The following DNLZ variants were observed in gnomAD, a reference collection of about 807,000 sequenced individuals.
DNLZ encodes the protein DNL-type zinc finger.
DNLZ carries 15 observed loss-of-function variants against 7.8 expected under a neutral mutation model. That is an observed-to-expected ratio of 1.91 (90% CI 1.28 to 2.95). The LOEUF is 2.95. Among genes scored for constraint, DNLZ ranks in the 30% most tolerant of loss-of-function variants. The pLI, the probability that DNLZ is intolerant of heterozygous loss-of-function variation, is 0.00. For synonymous variants in DNLZ, 123 were observed against 77.8 expected, an observed-to-expected ratio of 1.58 and a Z score of -3.05; for missense variants, 255 against 167.3, an observed-to-expected ratio of 1.52 and a Z score of -2.89.
rs1030826178 is a variant in DNLZ at position 136,360,366 on chromosome 9, G to C, written c.*1646C>G. The C allele has an allele frequency of 6.6e-6, 1 of 152,084 alleles. No individual in the cohort carries two copies. Among genetic ancestry groups the C allele is most frequent in the Non-Finnish European group, 1.5e-5 (1 of 67,918 alleles). The allele number at this position is 152,084 out of a possible 1,614,324, so 9.4% of individuals were successfully genotyped here. A position where few individuals can be genotyped will look rare whatever the true frequency, so the allele number is the denominator to read the frequency against. Reference sequence around the variant, plus strand: ...CGCAGCAGTGCCGCCCACGCTACTGGCTGGGACAGCCTCTGAAGGTGCGGC... The same window carrying C: ...CGCAGCAGTGCCGCCCACGCTACTGCCTGGGACAGCCTCTGAAGGTGCGGC... On this transcript the variant is annotated 3_prime_UTR_variant, in exon 3 of 3. Transcript: ENST00000371738.
At chr9:136,363,361 G>A (rs922289022) in intron 1 of DNLZ, 126 bp downstream of exon 1, 5 of 724,256 alleles carry the variant, frequency 6.9e-6, no homozygotes, top group South Asian at 1.5e-5. Flanking sequence ...GCCCCAAGGG[G>A]TGGCTCCACT....
In DNLZ at chr9:136,363,550, C is replaced by T. The variant is rs1224378573; in HGVS notation, c.165G>A (p.Pro55=). ...CGCGCCCCAGAGCCGCCGCGGGCCC[C>T]GGCCCCTGCTCGGAGCTTGAGCGCC... ...GWRRSSSEQG[P]GPAAALGRVE... is the part of the protein sequence containing the mutation. Residue 55 remains proline (P), a synonymous_variant, in exon 1 of 3, where the codon CCG becomes CCA. Coordinates refer to ENST00000371738, the MANE Select transcript of DNLZ (RefSeq NM_001080849.3). The T allele has an allele frequency of 1.1e-5, 8 of 716,802 alleles. No individual in the cohort carries two copies. Among genetic ancestry groups the T allele is most frequent in the East Asian group, 5.4e-5 (2 of 37,238 alleles). The allele number at this position is 716,802 out of a possible 1,614,324, so 44.4% of individuals were successfully genotyped here.
rs778742335 is a variant in DNLZ, at chr9:136,363,030, G to C, written c.327C>G (p.Ile109Met). ...TCPGCQNHHI[I>M]ADNLGWFSDL... ...CCGAGAACCAGCCCAGGTTGTCAGC[G>C]ATGATATGGTGGTTCTGGCAGCCGG... The change falls in exon 2 of 3, where the codon ATC (isoleucine) becomes ATG (methionine). Residue 109 changes from isoleucine (I) to methionine (M), a missense_variant. Coordinates refer to ENST00000371738, the MANE Select transcript of DNLZ (RefSeq NM_001080849.3). The C allele has an allele frequency of 1.2e-6, 2 of 1,613,744 alleles. No homozygotes were observed. Among genetic ancestry groups the C allele is most frequent in the Non-Finnish European group, 1.7e-6 (2 of 1,180,002 alleles).
In DNLZ at chr9:136,363,147, C is replaced by G. The variant is rs896058345; in HGVS notation, c.229-19G>C. The G allele has an allele frequency of 6.2e-7, 1 of 1,611,536 alleles. No homozygotes were observed. Among genetic ancestry groups the G allele is most frequent in the Non-Finnish European group, 8.5e-7 (1 of 1,178,980 alleles). On this transcript the variant is annotated intron_variant, in intron 1 of 2. Transcript: ENST00000371738. ...CGCAGACCTGGCTGGGACAGGGTAG[C>G]TGGTGAGGCTGTGAGGGCCGCCACG...
rs200639946 is a variant in DNLZ at position 136,362,167 on chromosome 9, T to C, written c.382A>G (p.Ile128Val). 3.3e-6 allele frequency: 5 copies of C among 1,493,998 alleles called. No individual in the cohort carries two copies. Among genetic ancestry groups the C allele is most frequent in the Non-Finnish European group, 4.4e-6 (5 of 1,126,666 alleles). 92.5% of individuals were successfully genotyped at this position (1,493,998 alleles called of 1,614,324 possible). A position where few individuals can be genotyped will look rare whatever the true frequency, so the allele number is the denominator to read the frequency against. The change falls in exon 3 of 3, where the codon ATC becomes GTC. Residue 128 changes from isoleucine (I) to valine (V), a missense_variant. Physicochemically the swap from Ile to Val is conservative, Grantham distance 29. Coordinates refer to ENST00000371738, the MANE Select transcript of DNLZ (RefSeq NM_001080849.3). ...ACCTGCTCGCCTCTGGCCGTCAGGATCTCTTCGATATTTCTGGGGGGCAGG... is the reference window on the plus strand; with the variant it reads ...ACCTGCTCGCCTCTGGCCGTCAGGACCTCTTCGATATTTCTGGGGGGCAGG... The part of the protein sequence containing the change: ...DLNGKRNIEE[I>V]LTARGEQVHR...
Position 136,359,896 on chromosome 9 carries a change from G to C in DNLZ, c.*2116C>G, listed in dbSNP as rs1443709803. ...AGCCCCCAGAAGCAGCAGCCCCCAG[G>C]TCAGCCCCACGACCCCCTGAGGACC... On this transcript the variant is annotated 3_prime_UTR_variant, in exon 3 of 3. Coordinates refer to ENST00000371738, the MANE Select transcript of DNLZ (RefSeq NM_001080849.3). The C allele has an allele frequency of 6.6e-6, 1 of 152,392 alleles. No individual in the cohort carries two copies. The highest frequency in any genetic ancestry group is 1.5e-5 in the Non-Finnish European group (1 of 68,228). The allele number at this position is 152,392 out of a possible 1,614,324, so 9.4% of individuals were successfully genotyped here. A position where few individuals can be genotyped will look rare whatever the true frequency, so the allele number is the denominator to read the frequency against.
In DNLZ at chr9:136,363,720, T is replaced by TCGCCGGCTCCGTC; in HGVS notation, c.-19_-7dup. The TCGCCGGCTCCGTC allele has an allele frequency of 2.3e-6, 1 of 435,552 alleles. No homozygotes were observed. Among genetic ancestry groups the TCGCCGGCTCCGTC allele is most frequent in the South Asian group, 3.3e-5 (1 of 29,990 alleles). 27.0% of individuals were successfully genotyped at this position (435,552 alleles called of 1,614,324 possible). A position where few individuals can be genotyped will look rare whatever the true frequency, so the allele number is the denominator to read the frequency against. Reference sequence around the variant, plus strand: ...CGCAGCGCAGTCCGCAGCATCCCGCTCGCCGGCTCCGTCCGCCCTGCCCCG... The same window carrying TCGCCGGCTCCGTC: ...CGCAGCGCAGTCCGCAGCATCCCGCTCGCCGGCTCCGTCCGCCGGCTCCGTCCGCCCTGCCCCG... On this transcript the variant is annotated 5_prime_UTR_variant, in exon 1 of 3. Transcript: ENST00000371738.
chr9:136,363,574 CCGCCAG>C lies in DNLZ; in HGVS notation c.135_140del (p.Trp46_Arg47del). ...CCGGCCCCTGCTCGGAGCTTGAGCG[CCGCCAG>C]CCCCAGGCCCAGGCCCGCCGCCTCC... On this transcript the variant is annotated inframe_deletion, in exon 1 of 3. Coordinates refer to ENST00000371738, the MANE Select transcript of DNLZ (RefSeq NM_001080849.3). 1 of 663,966 alleles carries C rather than the reference CCGCCAG, an allele frequency of 1.5e-6. No individual in the cohort carries two copies. Among genetic ancestry groups the C allele is most frequent in the Admixed American group, 2.2e-5 (1 of 45,680 alleles). The allele number at this position is 663,966 out of a possible 1,614,324, so 41.1% of individuals were successfully genotyped here. A position where few individuals can be genotyped will look rare whatever the true frequency, so the allele number is the denominator to read the frequency against.
At chr9:136,363,235 G>A (rs1166460043) in intron 1 of DNLZ, 107 bp from the exon 2 acceptor site, 3 of 1,377,522 alleles carry the variant, frequency 2.2e-6, no homozygotes, top group African/African-American at 1.4e-5. Context: ...CTCCAGAGAA[G>A]GCCCCGCCCC....
chr9:136,361,657 A>C lies in DNLZ; in HGVS notation c.*355T>G, dbSNP rs1438753530. The C allele has an allele frequency of 4.6e-6, 1 of 215,756 alleles. No individual in the cohort carries two copies. The highest frequency in any genetic ancestry group is 9.1e-6 in the Non-Finnish European group (1 of 110,172). 13.4% of individuals were successfully genotyped at this position (215,756 alleles called of 1,614,324 possible). ...GCCTTGCAGAGGAAGGCTGAGGCTC[A>C]CAGGGGTGGTGACCTGCTCAAAGTC... On this transcript the variant is annotated 3_prime_UTR_variant, in exon 3 of 3. Coordinates refer to ENST00000371738, the MANE Select transcript of DNLZ (RefSeq NM_001080849.3).
chr9:136,362,079 G>T lies in DNLZ; in HGVS notation c.470C>A (p.Ser157Tyr), dbSNP rs559849848. ...LVLEAAGAPT[S>Y]TAAPEAGEDE... ...CTCACCCGCTTCCGGAGCTGCAGTG[G>T]ATGTGGGGGCCCCTGCAGCCTCCAG... Residue 157 changes from serine (S) to tyrosine (Y), a missense_variant, in exon 3 of 3, where the codon TCC (serine) becomes TAC (tyrosine). Ser to Tyr is a moderately radical substitution (Grantham distance 144). Coordinates refer to ENST00000371738, the MANE Select transcript of DNLZ (RefSeq NM_001080849.3). 1.7e-4 allele frequency: 254 copies of T among 1,453,810 alleles called. 3 individuals carry two copies. The South Asian group carries it at 3.4e-3, about 20-fold the overall frequency. 90.1% of individuals were successfully genotyped at this position (1,453,810 alleles called of 1,614,324 possible).
intron 1 of DNLZ, 84 bp downstream of exon 1, chr9:136,363,403 G>C (rs1356667938): frequency 2.6e-6 from 2 of 756,448 alleles, no homozygotes; most frequent in Non-Finnish European, 2.4e-6. Context: ...CCGCCTCCCG[G>C]ATCCCCGGCG....
chr9:136,363,502 G>A lies in DNLZ; in HGVS notation c.213C>T (p.Leu71=), dbSNP rs1302592957. The A allele has an allele frequency of 4.0e-6, 3 of 758,526 alleles. No individual in the cohort carries two copies. Among genetic ancestry groups the A allele is most frequent in the East Asian group, 4.9e-5 (2 of 40,828 alleles). 47.0% of individuals were successfully genotyped at this position (758,526 alleles called of 1,614,324 possible). A position where few individuals can be genotyped will look rare whatever the true frequency, so the allele number is the denominator to read the frequency against. ...GCGCGCCTACCTTGCAGGTGTAGAC[G>A]AGCTGGTAGTGCGCCGCCTCCACGC... ...LGRVEAAHYQ[L]VYTCKVCGTR... is the part of the protein sequence containing the mutation. The change falls in exon 1 of 3, where the codon CTC becomes CTT. Residue 71 remains leucine (L), a synonymous_variant. Coordinates refer to ENST00000371738, the MANE Select transcript of DNLZ (RefSeq NM_001080849.3).
Position 136,363,699 on chromosome 9 carries a change from G to A in DNLZ, c.16C>T (p.Leu6=). 2.2e-6 allele frequency: 1 copy of A among 457,836 alleles called. No individual in the cohort carries two copies. Among genetic ancestry groups the A allele is most frequent in the Non-Finnish European group, 3.8e-6 (1 of 262,078 alleles). 28.4% of individuals were successfully genotyped at this position (457,836 alleles called of 1,614,324 possible). A position where few individuals can be genotyped will look rare whatever the true frequency, so the allele number is the denominator to read the frequency against. MLRTA[L]RGAPRLLSRV... is the part of the protein sequence containing the mutation. ...CTCAGCAACCTCGGCGCGCCGCGCAGCGCAGTCCGCAGCATCCCGCTCGCC... is the reference window on the plus strand; with the variant it reads ...CTCAGCAACCTCGGCGCGCCGCGCAACGCAGTCCGCAGCATCCCGCTCGCC... Residue 6 remains leucine, a synonymous_variant, in exon 1 of 3, where the codon CTG becomes TTG. Transcript: ENST00000371738.
At position 136,363,092 on chromosome 9, in the gene DNLZ, G is replaced by A; in HGVS notation, c.265C>T (p.Leu89=). Reference sequence around the variant, plus strand: ...ATGACCACGCCTTGGTGATAGGCCAGCTTGGAGATGCGCTTGGAGGACCTA... The same window carrying A: ...ATGACCACGCCTTGGTGATAGGCCAACTTGGAGATGCGCTTGGAGGACCTA... ...GTRSSKRISK[L]AYHQGVVIVT... The change falls in exon 2 of 3, where the codon CTG becomes TTG. Residue 89 remains leucine, a synonymous_variant. Transcript: ENST00000371738. The A allele has an allele frequency of 6.2e-7, 1 of 1,613,640 alleles. No individual in the cohort carries two copies. Among genetic ancestry groups the A allele is most frequent in the Non-Finnish European group, 8.5e-7 (1 of 1,179,994 alleles).
chr9:136,360,171 A>C lies in DNLZ; in HGVS notation c.*1841T>G, dbSNP rs527362695. Reference sequence around the variant, plus strand: ...CCCACCTGGCCATGTTGGCAGCCACAGCCTCTGTGCTGGTTGACTCCGTTG... The same window carrying C: ...CCCACCTGGCCATGTTGGCAGCCACCGCCTCTGTGCTGGTTGACTCCGTTG... On this transcript the variant is annotated 3_prime_UTR_variant, in exon 3 of 3. Transcript: ENST00000371738. The C allele has an allele frequency of 6.6e-6, 1 of 152,426 alleles. No homozygotes were observed. Among genetic ancestry groups the C allele is most frequent in the African/African-American group, 2.4e-5 (1 of 41,580 alleles). The allele number at this position is 152,426 out of a possible 1,614,324, so 9.4% of individuals were successfully genotyped here.
At chr9:136,363,406 C>G (rs1025420033) in intron 1 of DNLZ, 81 bp downstream of exon 1, 3 of 756,288 alleles carry the variant, frequency 4.0e-6, no homozygotes, top group Non-Finnish European at 7.2e-6. Context: ...CCTCCCGGAT[C>G]CCCGGCGGGC....
At chr9:136,363,423 T>G (rs1833022053) in intron 1 of DNLZ, 64 bp downstream of exon 1, 1 of 759,850 alleles carries the variant, frequency 1.3e-6, no homozygotes, top group Admixed American at 1.7e-5. Context: ...GGGCCGCTTC[T>G]CCCCGCAGGC....
intron 1 of DNLZ, 147 bp from the exon 2 acceptor site, chr9:136,363,275 C>T (rs1467318964): frequency 9.9e-6 from 9 of 910,526 alleles, no homozygotes; most frequent in African/African-American, 6.6e-5. Flanking sequence ...CCCCCAACCT[C>T]GCCCTCTCCC....
Sources: allele counts gnomAD v4.1 joint callset, GRCh38; gene constraint gnomAD v4.1.1; transcripts MANE v1.5; gene names NCBI Gene and HGNC (gene_info 2026-07-23, HGNC 2026-07-21).